Variants in AQP9 observed in about 807,000 individuals in gnomAD.
AQP9 encodes the protein aquaporin 9, also known as aquaporin-9.
Under a neutral mutation model 23.8 loss-of-function variants are expected in AQP9, and 19 were observed. That is an observed-to-expected ratio of 0.80 (90% CI 0.56 to 1.17). AQP9 has a LOEUF of 1.17. AQP9 is among the 50% of genes most tolerant of loss of function. AQP9 has a pLI of 0.00. For synonymous variants in AQP9, 153 were observed against 131.5 expected (o/e 1.16, Z -1.12); for missense variants, 413 against 362.0 (o/e 1.14, Z -1.14).
At position 58,173,217 on chromosome 15, in the gene AQP9, C is replaced by T. The variant is rs1300952183; in HGVS notation, c.376+12C>T. 3.2e-5 allele frequency: 52 copies of T among 1,613,838 alleles called. No homozygotes were observed. Among genetic ancestry groups the T allele is most frequent in the Non-Finnish European group, 4.3e-5 (51 of 1,179,980 alleles). On this transcript the variant is annotated intron_variant, in intron 3 of 5. Coordinates refer to ENST00000219919, the MANE Select transcript of AQP9 (RefSeq NM_020980.5). ...TGGCATTTACTATGGTGAGTAAAGT[C>T]CCTGAGTCCTAAGGTTAGGAAGAGC...
intron 1 of AQP9, among the ~76,000 whole-genome samples, chr15:58,162,502 T>C (rs190679346): frequency 6.6e-6 from 1 of 152,340 alleles, no homozygotes; most frequent in African/African-American, 2.4e-5. Context: ...ATGAGCTCCC[T>C]ATCCTTAAAG....
chr15:58,166,738 T>G lies in AQP9; in HGVS notation c.177T>G (p.Thr59=), dbSNP rs745679353. ...GAGGACGTTTTGGAGGGGTCATCACTATCAATGTTGGATTTTCAATGGCAG... is the reference window on the plus strand; with the variant it reads ...GAGGACGTTTTGGAGGGGTCATCACGATCAATGTTGGATTTTCAATGGCAG... ...LSRGRFGGVI[T]INVGFSMAVA... The change falls in exon 2 of 6, where the codon ACT becomes ACG. Residue 59 remains threonine, a synonymous_variant. Transcript: ENST00000219919. 9.9e-6 allele frequency: 16 copies of G among 1,613,942 alleles called. No individual in the cohort carries two copies. Among genetic ancestry groups the G allele is most frequent in the Non-Finnish European group, 1.7e-6 (2 of 1,179,910 alleles).
At chr15:58,173,306 G>A in intron 3 of AQP9, 101 bp downstream of exon 3, 1 of 1,526,442 alleles carries the variant, frequency 6.6e-7, no homozygotes, top group South Asian at 1.2e-5. Context: ...AGGACGGGAA[G>A]CATTCTACAA....
intron 1 of AQP9, among the ~76,000 whole-genome samples, chr15:58,158,196 T>A (rs762964456): frequency 5.9e-5 from 9 of 152,150 alleles, no homozygotes; most frequent in Non-Finnish European, 1.2e-4. Flanking sequence ...GAAAAACCGA[T>A]GCCCCTATTC....
Position 58,179,215 on chromosome 15 carries a change from G to T in AQP9, c.583G>T (p.Ala195Ser), listed in dbSNP as rs1355503224. The change falls in exon 5 of 6, where the codon GCC becomes TCC. Residue 195 changes from alanine to serine, a missense_variant. Transcript: ENST00000219919. ...AGCCCCCAGAGGCCTAGAGCCCATT[G>T]CCATCGGCCTCCTGATTATTGTCAT... ...LGAPRGLEPI[A>S]IGLLIIVIAS... The T allele has an allele frequency of 3.1e-6, 5 of 1,614,106 alleles. No homozygotes were observed. The African/African-American group carries it at 6.7e-5, about 22-fold the overall frequency.
At chr15:58,145,901 C>A (rs1898036214) in intron 1 of AQP9, among the ~76,000 whole-genome samples, 1 of 152,168 alleles carries the variant, frequency 6.6e-6, no homozygotes, top group East Asian at 1.9e-4. Context: ...TTAGCTGATA[C>A]ATTTTAGGTT....
chr15:58,161,584 G>A (rs1489027603), intron 1 of AQP9, among the ~76,000 whole-genome samples: 1 of 152,124 alleles, frequency 6.6e-6, no homozygotes, highest in East Asian at 1.9e-4. Context: ...GAAACAGCAA[G>A]TATTTCAACT....
chr15:58,164,524 T>C (rs193284161), intron 1 of AQP9, among the ~76,000 whole-genome samples: 82 of 152,290 alleles, frequency 5.4e-4, no homozygotes, highest in African/African-American at 1.9e-3. Context: ...GTTATTATAA[T>C]AGATAAGGAT....
chr15:58,176,887 A>T (rs1349548361), intron 4 of AQP9, among the ~76,000 whole-genome samples: 1 of 152,134 alleles, frequency 6.6e-6, no homozygotes, highest in Non-Finnish European at 1.5e-5. Flanking sequence ...ATCTTGATCA[A>T]TGCTGACCTG....
At chr15:58,140,086 A>C (rs1897926195) in intron 1 of AQP9, among the ~76,000 whole-genome samples, 1 of 152,192 alleles carries the variant, frequency 6.6e-6, no homozygotes, top group Non-Finnish European at 1.5e-5. Flanking sequence ...AGCAGTTGTC[A>C]ATACAGAGTG....
In AQP9 at chr15:58,166,602, C is replaced by G. The variant is rs1392380206; in HGVS notation, c.112-71C>G. 9 of 1,518,412 alleles carry G rather than the reference C, an allele frequency of 5.9e-6. No individual in the cohort carries two copies. In the East Asian group the frequency reaches 2.1e-4, roughly 35 times the overall value. 94.1% of individuals were successfully genotyped at this position (1,518,412 alleles called of 1,614,324 possible). A position where few individuals can be genotyped will look rare whatever the true frequency, so the allele number is the denominator to read the frequency against. ...CATGACTTTGCTTTAAAAATACTTG[C>G]TACTGTGAGTTTCCATTACTTTTGA... On this transcript the variant is annotated intron_variant, in intron 1 of 5. Transcript: ENST00000219919.
intron 1 of AQP9, chr15:58,153,708 A>T (rs1363026099): frequency 6.6e-6 from 1 of 152,124 alleles, no homozygotes; most frequent in Non-Finnish European, 1.5e-5. Context: ...CTCCCTTATC[A>T]TTGGCAGCCT....
intron 1 of AQP9, among the ~76,000 whole-genome samples, chr15:58,159,184 C>A (rs1041030230): frequency 2.0e-5 from 3 of 152,122 alleles, no homozygotes; most frequent in Non-Finnish European, 1.5e-5. Context: ...TCACAGGGGT[C>A]ATGGCTCAGT....
Position 58,179,258 on chromosome 15 carries a change from T to C in AQP9, c.626T>C (p.Leu209Pro), listed in dbSNP as rs1305241527. The C allele has an allele frequency of 8.1e-6, 13 of 1,614,184 alleles. No individual in the cohort carries two copies. Among genetic ancestry groups the C allele is most frequent in the Non-Finnish European group, 1.1e-5 (13 of 1,180,010 alleles). Residue 209 changes from leucine (L) to proline (P), a missense_variant, in exon 5 of 6, where the codon CTG becomes CCG. Coordinates refer to ENST00000219919, the MANE Select transcript of AQP9 (RefSeq NM_020980.5). The stretch of plus-strand genomic sequence containing the variant: ...ATTGTCATTGCTTCCTCCCTGGGAC[T>C]GAACAGTGGCTGTGCCATGAACCCA... ...LIIVIASSLG[L>P]NSGCAMNPAR...
rs1248592521 is a variant in AQP9, at chr15:58,184,256, T to C, written c.*121T>C. 8 of 1,012,636 alleles carry C rather than the reference T, an allele frequency of 7.9e-6. 1 individual carries two copies. In the African/African-American group the frequency reaches 1.1e-4, roughly 14 times the overall value. The allele number at this position is 1,012,636 out of a possible 1,614,324, so 62.7% of individuals were successfully genotyped here. On this transcript the variant is annotated 3_prime_UTR_variant, in exon 6 of 6. Coordinates refer to ENST00000219919, the MANE Select transcript of AQP9 (RefSeq NM_020980.5). ...CACCCAGTTTTGTCTGCTAGCCATA[T>C]GGGACATCTAATTGGAAAAGCATCT...
At chr15:58,164,093 T>C (rs1219661154) in intron 1 of AQP9, 3 of 152,406 alleles carry the variant, frequency 2.0e-5, no homozygotes, top group African/African-American at 4.8e-5. Flanking sequence ...CTCCTCCTAT[T>C]TCCTGCAGCA....
chr15:58,160,680 G>A (rs1898359292), intron 1 of AQP9, among the ~76,000 whole-genome samples: 3 of 151,986 alleles, frequency 2.0e-5, no homozygotes, highest in Non-Finnish European at 4.4e-5. Flanking sequence ...GTTTTTGGGG[G>A]TGGGGGGTCG....
chr15:58,159,990 A>G (rs1898340256), intron 1 of AQP9, among the ~76,000 whole-genome samples: 1 of 152,200 alleles, frequency 6.6e-6, no homozygotes, highest in Non-Finnish European at 1.5e-5. Flanking sequence ...CAGCTCTTCA[A>G]CATATTGATT....
rs756795091 is a variant in AQP9 at position 58,173,077 on chromosome 15, T to A, written c.248T>A (p.Ile83Asn). 4 of 1,614,044 alleles carry A rather than the reference T, an allele frequency of 2.5e-6. No homozygotes were observed. Among genetic ancestry groups the A allele is most frequent in the Middle Eastern group, 1.6e-4 (1 of 6,084 alleles). The change falls in exon 3 of 6, where the codon ATC becomes AAC. Residue 83 changes from isoleucine to asparagine, a missense_variant. Ile to Asn is a moderately radical substitution (Grantham distance 149). Coordinates refer to ENST00000219919, the MANE Select transcript of AQP9 (RefSeq NM_020980.5). ...CAATCTTCCCTTGCAGGTGGTCACA[T>A]CAACCCAGCTGTGTCTTTAGCAATG... ...YVAGGVSGGHINPAVSLAMCL... is the reference protein window; with the variant it reads ...YVAGGVSGGHNNPAVSLAMCL...
Sources: allele counts gnomAD v4.1 joint callset (sites outside exome capture counted in the v4.1 genomes callset), GRCh38; gene constraint gnomAD v4.1.1; transcripts MANE v1.5; gene names NCBI Gene and HGNC (gene_info 2026-07-23, HGNC 2026-07-21).